NOS2: variants seen among roughly 807,000 people sequenced by gnomAD.
The protein encoded by NOS2 is nitric oxide synthase, inducible.
NOS2 carries 96 observed loss-of-function variants against 136.0 expected under a neutral mutation model. The observed-to-expected ratio is 0.71, with a 90% confidence interval of 0.60 to 0.84. The LOEUF (loss-of-function observed/expected upper bound fraction) is 0.84. Ranked by LOEUF, NOS2 falls within the 40% of genes least tolerant of loss-of-function variation. The pLI is 0.00. For synonymous variants in NOS2, 539 were observed against 587.5 expected (o/e 0.92, Z 1.20); for missense variants, 1,237 against 1,496.9 (o/e 0.83, Z 2.87).
At chr17:27,768,755 C>G (rs1908392717) in intron 17 of NOS2, among the ~76,000 whole-genome samples, 1 of 152,226 alleles carries the variant, frequency 6.6e-6, no homozygotes, top group Admixed American at 6.5e-5. Context: ...GTGCCACCTT[C>G]TCCCCCAGAG....
intron 12 of NOS2, 122 bp from the exon 13 acceptor site, chr17:27,773,365 C>T (rs539704892): frequency 6.2e-5 from 43 of 697,902 alleles, no homozygotes; most frequent in African/African-American, 5.2e-4. Context: ...GGCTGGCCTG[C>T]GCCCCACCCC....
At position 27,769,012 on chromosome 17, in the gene NOS2, C is replaced by A; in HGVS notation, c.1999G>T (p.Asp667Tyr). 1 of 1,611,764 alleles carries A rather than the reference C, an allele frequency of 6.2e-7. No homozygotes were observed. The highest frequency in any genetic ancestry group is 8.5e-7 in the Non-Finnish European group (1 of 1,179,218). ...TGCACGGCCCAGCTGCGGAAGGCGT[C>A]CTCCTGCCCACTGAGCTCATCCCCT... is the stretch of plus-strand genomic sequence containing the variant. ...GEGDELSGQE[D>Y]AFRSWAVQTF... Residue 667 changes from aspartate (D) to tyrosine (Y), a missense_variant, in exon 17 of 27, where the codon GAC (aspartate) becomes TAC (tyrosine). Transcript: ENST00000313735.
In NOS2 at chr17:27,760,140, G is replaced by A. The variant is rs775671738; in HGVS notation, c.3049C>T (p.Arg1017Cys). ...GGRMTLVFGC[R>C]RPDEDHIYQE... ...TAGATGTGGTCCTCATCTGGGCGGCGGCACCCAAACACCAAGGTCATGCGG... is the reference window on the plus strand; with the variant it reads ...TAGATGTGGTCCTCATCTGGGCGGCAGCACCCAAACACCAAGGTCATGCGG... The change falls in exon 25 of 27, where the codon CGC (arginine) becomes TGC (cysteine). Residue 1017 changes from arginine to cysteine, a missense_variant. Transcript: ENST00000313735. 3.1e-6 allele frequency: 5 copies of A among 1,602,414 alleles called. No individual in the cohort carries two copies. Among genetic ancestry groups the A allele is most frequent in the South Asian group, 1.1e-5 (1 of 89,706 alleles).
At chr17:27,770,305 C>T (rs1908448756) in intron 15 of NOS2, among the ~76,000 whole-genome samples, 1 of 151,990 alleles carries the variant, frequency 6.6e-6, no homozygotes, top group Admixed American at 6.5e-5. Flanking sequence ...CATGGAGAAA[C>T]CCCATCTCTA....
intron 2 of NOS2, among the ~76,000 whole-genome samples, chr17:27,795,189 C>T (rs1057270820): frequency 5.3e-5 from 8 of 152,228 alleles, no homozygotes; most frequent in African/African-American, 1.7e-4. Context: ...CGTTTCCTTC[C>T]TGACAGCAGG....
chr17:27,760,419 T>C (rs3729661), intron 24 of NOS2, among the ~76,000 whole-genome samples: 28,831 of 152,144 alleles, frequency 0.19, 2,797 homozygotes, highest in Middle Eastern at 0.24. Flanking sequence ...TCCTGTTACC[T>C]CCACTCCCAG....
At chr17:27,776,699 A>G (rs916529949) in intron 11 of NOS2, among the ~76,000 whole-genome samples, 1 of 147,284 alleles carries the variant, frequency 6.8e-6, no homozygotes, top group Non-Finnish European at 1.5e-5. Flanking sequence ...AAAAAAAAAA[A>G]CTCAGTGGTA....
chr17:27,760,515 G>T, intron 24 of NOS2, 108 bp downstream of exon 24: 1 of 1,439,344 alleles, frequency 6.9e-7, no homozygotes, highest in Non-Finnish European at 9.5e-7. Context: ...AAACTTGGGA[G>T]GCCTTCCCTC....
In NOS2 at chr17:27,789,629, G is replaced by C; in HGVS notation, c.170C>G (p.Pro57Arg). 1.9e-6 allele frequency: 3 copies of C among 1,613,796 alleles called. No homozygotes were observed. The highest frequency in any genetic ancestry group is 2.5e-6 in the Non-Finnish European group (3 of 1,179,722). The part of the protein sequence containing the change: ...HNLSKQQNES[P>R]QPLVETGKKS... ...CTTTCCCGTCTCCACGAGGGGCTGC[G>C]GGGACTCATTCTGCTGCTTGCTGAG... Residue 57 changes from proline (P) to arginine (R), a missense_variant, in exon 3 of 27, where the codon CCG (proline) becomes CGG (arginine). By Grantham distance (103) the Pro-to-Arg change is moderately radical (BLOSUM62 -2). This residue lies in a region of NOS2 where 440 missense variants were observed against 545.4 expected (regional missense o/e 0.81). Coordinates refer to ENST00000313735, the MANE Select transcript of NOS2 (RefSeq NM_000625.4).
At chr17:27,792,220 G>T (rs550130662) in intron 2 of NOS2, among the ~76,000 whole-genome samples, 2 of 152,168 alleles carry the variant, frequency 1.3e-5, no homozygotes, top group African/African-American at 4.8e-5. Context: ...GTCTAGTTTT[G>T]CCCTCATATA....
chr17:27,756,901 G>A lies in NOS2; in HGVS notation c.*345C>T, dbSNP rs1488457514. ...GGCATAAATAACTGTACACAAGGCA[G>A]TTAAATACACAGTGGTGCGATAGCA... is the stretch of plus-strand genomic sequence containing the variant. On this transcript the variant is annotated 3_prime_UTR_variant, in exon 27 of 27. Transcript: ENST00000313735. 1 of 276,992 alleles carries A rather than the reference G, an allele frequency of 3.6e-6. No homozygotes were observed. Among genetic ancestry groups the A allele is most frequent in the Non-Finnish European group, 6.7e-6 (1 of 150,104 alleles). 17.2% of individuals were successfully genotyped at this position (276,992 alleles called of 1,614,324 possible).
chr17:27,769,376 T>C lies in NOS2; in HGVS notation c.1859+159A>G, dbSNP rs149411888. On this transcript the variant is annotated intron_variant, in intron 16 of 26. Coordinates refer to ENST00000313735, the MANE Select transcript of NOS2 (RefSeq NM_000625.4). ...TGTGAGAGGGACTTGGTTTCTGTGG[T>C]TTGACCCTCGACACATTCTGAGTAC... Among the ~76,000 whole-genome samples, 120 of 152,246 alleles carry C rather than the reference T, an allele frequency of 7.9e-4. 2 individuals are homozygous for C. The East Asian group carries it at 0.022, about 27-fold the overall frequency.
intron 11 of NOS2, among the ~76,000 whole-genome samples, chr17:27,776,550 G>A (rs1319350714): frequency 6.6e-6 from 1 of 151,976 alleles, no homozygotes; most frequent in Non-Finnish European, 1.5e-5. Context: ...GTGCAATCCT[G>A]TAATCCCAGC....
Position 27,763,271 on chromosome 17 carries a change from T to G in NOS2, c.2593-266A>C, listed in dbSNP as rs183145232. Among the ~76,000 whole-genome samples, 203 of 152,288 alleles carry G rather than the reference T, an allele frequency of 1.3e-3. 2 individuals carry two copies. The Middle Eastern group carries it at 0.02, about 15-fold the overall frequency. ...GGGTCAAATCTTTATTGTAATTTAT[T>G]TGGGGCAAGGCTTTGGAACCAATCA... On this transcript the variant is annotated intron_variant, in intron 21 of 26. Transcript: ENST00000313735.
In NOS2 at chr17:27,792,682, A is replaced by T. The variant is rs1435796672; in HGVS notation, c.111-2994T>A. Among the ~76,000 whole-genome samples, 5 of 152,074 alleles carry T rather than the reference A, an allele frequency of 3.3e-5. No homozygotes were observed. In the East Asian group the frequency reaches 5.8e-4, roughly 18 times the overall value. Reference sequence around the variant, plus strand: ...TGAGGACCCTCAAGGACCTGCATTCAAAGAGAGTGCTGGCAGCTGGGCGCG... The same window carrying T: ...TGAGGACCCTCAAGGACCTGCATTCTAAGAGAGTGCTGGCAGCTGGGCGCG... On this transcript the variant is annotated intron_variant, in intron 2 of 26. Transcript: ENST00000313735.
At position 27,767,771 on chromosome 17, in the gene NOS2, T is replaced by C. The variant is rs1908353028; in HGVS notation, c.2101A>G (p.Asn701Asp). Reference sequence around the variant, plus strand: ...TAGTGGTGCGGGTCCCAGGTCACATTGGAGGTGTAGAGCTTGGGGATCTGA... The same window carrying C: ...TAGTGGTGCGGGTCCCAGGTCACATCGGAGGTGTAGAGCTTGGGGATCTGA... ...HIQIPKLYTS[N>D]VTWDPHHYRL... Residue 701 changes from asparagine (N) to aspartate (D), a missense_variant, in exon 18 of 27, where the codon AAT (asparagine) becomes GAT (aspartate). This residue lies in a region of NOS2 where 782 missense variants were observed against 909.9 expected (regional missense o/e 0.86). Transcript: ENST00000313735. The C allele has an allele frequency of 1.2e-6, 2 of 1,613,142 alleles. No individual in the cohort carries two copies. Among genetic ancestry groups the C allele is most frequent in the East Asian group, 4.5e-5 (2 of 44,882 alleles).
At position 27,780,815 on chromosome 17, in the gene NOS2, A is replaced by C; in HGVS notation, c.956T>G (p.Phe319Cys). The part of the protein sequence containing the change: ...LQANGRDPEL[F>C]EIPPDLVLEV... ...AAGCACAAGGTCAGGTGGGATTTCG[A>C]AGAGCTCAGGGTCACGGCCATTGGC... is the stretch of plus-strand genomic sequence containing the variant. Residue 319 changes from phenylalanine to cysteine, a missense_variant, in exon 9 of 27, where the codon TTC (phenylalanine) becomes TGC (cysteine). Physicochemically the swap from Phe to Cys is radical, Grantham distance 205. Coordinates refer to ENST00000313735, the MANE Select transcript of NOS2 (RefSeq NM_000625.4). 3 of 1,614,176 alleles carry C rather than the reference A, an allele frequency of 1.9e-6. No individual in the cohort carries two copies. The South Asian group carries it at 3.3e-5, about 18-fold the overall frequency.
chr17:27,784,414 G>A (rs921054752), intron 5 of NOS2, among the ~76,000 whole-genome samples: 7 of 152,266 alleles, frequency 4.6e-5, no homozygotes, highest in African/African-American at 1.7e-4. Context: ...TGGGTGAGGT[G>A]GGAACCACCC....
intron 1 of NOS2, among the ~76,000 whole-genome samples, chr17:27,800,113 GT>G (rs1388276995): frequency 6.6e-6 from 1 of 152,150 alleles, no homozygotes; most frequent in Non-Finnish European, 1.5e-5. Context: ...TTTTCAGAAA[GT>G]TTTTCCTTGT....
Sources: gnomAD v4.1 joint callset for allele counts (sites outside exome capture counted in the v4.1 genomes callset) on GRCh38, gnomAD v4.1.1 for gene constraint, gnomAD v4.1.1 regional missense constraint, MANE v1.5 for transcripts, NCBI Gene and HGNC (gene_info 2026-07-23, HGNC 2026-07-21) for gene names.